AFF2: variants seen among roughly 807,000 people sequenced by gnomAD.
The protein encoded by AFF2 is ALF transcription elongation factor 2, also known as AF4/FMR2 family member 2.
In AFF2, 14 loss-of-function variants were observed where a neutral mutation model predicts 76.9. That is an observed-to-expected ratio of 0.18 (90% CI 0.12 to 0.28). The LOEUF is 0.28. Among genes scored for constraint, AFF2 ranks in the 10% least tolerant of loss-of-function variants. The pLI is 1.00. For missense variants in AFF2, 868 were observed against 1,001.1 expected, an observed-to-expected ratio of 0.87 and a Z score of 1.79; for synonymous variants, 398 against 366.7, an observed-to-expected ratio of 1.09 and a Z score of -0.98.
chrX:148,716,982 A>G (rs1016750177), intron 3 of AFF2, among the ~76,000 whole-genome samples: 2 of 112,346 alleles, frequency 1.8e-5, no homozygotes, highest in African/African-American at 6.5e-5. Context: ...GCTAGAGGAA[A>G]AAAAGGAAAA....
intron 4 of AFF2, among the ~76,000 whole-genome samples, chrX:148,814,537 T>C (rs2070241917): frequency 8.9e-6 from 1 of 111,912 alleles, no homozygotes. Context: ...TCAGTGTTTA[T>C]GAGGGATGCT....
At chrX:148,700,370 A>G (rs2054772461) in intron 3 of AFF2, among the ~76,000 whole-genome samples, 1 of 108,681 alleles carries the variant, frequency 9.2e-6, no homozygotes, top group Non-Finnish European at 1.9e-5. Flanking sequence ...GAGTTACCCA[A>G]GGGAGTATTT....
intron 3 of AFF2, among the ~76,000 whole-genome samples, chrX:148,724,805 G>A (rs1009330417): frequency 7.1e-5 from 8 of 112,448 alleles, no homozygotes; most frequent in African/African-American, 9.7e-5. Context: ...AGGAGCTAAC[G>A]CTAAGCGCTT....
intron 19 of AFF2, among the ~76,000 whole-genome samples, chrX:148,983,953 C>CAAAAAACAAAAAAAAAAAAA (rs2072427823): frequency 3.4e-5 from 1 of 29,124 alleles, no homozygotes; most frequent in African/African-American, 1.2e-4. Context: ...GTGAAATAGA[C>CAAAAAACAAAAAAAAAAAAA]AAAAAAAAAA....
At chrX:148,601,852 G>A (rs934351509) in intron 1 of AFF2, among the ~76,000 whole-genome samples, 1 of 111,736 alleles carries the variant, frequency 8.9e-6, no homozygotes, top group Non-Finnish European at 1.9e-5. Context: ...TTCAATAATG[G>A]TTTTATTGTG....
At chrX:148,884,093 T>A (rs1451291528) in intron 7 of AFF2, among the ~76,000 whole-genome samples, 1 of 112,014 alleles carries the variant, frequency 8.9e-6, no homozygotes, top group Non-Finnish European at 1.9e-5. Flanking sequence ...CAGTCTTCAT[T>A]TCCCACAATG....
chrX:148,640,440 A>G (rs2054076598), intron 1 of AFF2, among the ~76,000 whole-genome samples: 1 of 110,122 alleles, frequency 9.1e-6, no homozygotes, highest in African/African-American at 3.3e-5. Flanking sequence ...GCATATTTTC[A>G]GTGGCACCAT....
At chrX:148,681,085 C>G (rs1474883643) in intron 3 of AFF2, among the ~76,000 whole-genome samples, 1 of 111,688 alleles carries the variant, frequency 9.0e-6, no homozygotes, top group Non-Finnish European at 1.9e-5. Flanking sequence ...GGGATAGAGC[C>G]ATATTTAAAT....
At chrX:148,973,718 T>C in intron 16 of AFF2, 111 bp downstream of exon 16, 2 of 800,118 alleles carry the variant, frequency 2.5e-6, no homozygotes, top group Non-Finnish European at 1.7e-6. Context: ...CAAGCCATCC[T>C]CTTAGAAGTC....
chrX:148,823,425 A>C (rs782721041), intron 4 of AFF2, among the ~76,000 whole-genome samples: 7 of 111,826 alleles, frequency 6.3e-5, no homozygotes, highest in Middle Eastern at 4.6e-3. Flanking sequence ...TTGAATTTAA[A>C]TTAATTAAAT....
Position 148,843,420 on chromosome X carries a change from G to A in AFF2, c.1249G>A (p.Val417Met), listed in dbSNP as rs782416649. The part of the protein sequence containing the change: ...DPTTRASTKS[V>M]SFKSMLEDDL... ...AACCACCAGAGCTTCTACAAAGTCA[G>A]TGTCTTTCAAATCGTGAGTAGTTGG... The change falls in exon 7 of 21, where the codon GTG becomes ATG. Residue 417 changes from valine (V) to methionine (M), a missense_variant. By Grantham distance (21) the Val-to-Met change is conservative. Coordinates refer to ENST00000370460, the MANE Select transcript of AFF2 (RefSeq NM_002025.4). 19 of 1,207,385 alleles carry A rather than the reference G, an allele frequency of 1.6e-5. No homozygotes were observed. The highest frequency in any genetic ancestry group is 2.0e-5 in the Non-Finnish European group (18 of 893,947).
At chrX:148,718,912 G>A (rs533270029) in intron 3 of AFF2, among the ~76,000 whole-genome samples, 3 of 111,532 alleles carry the variant, frequency 2.7e-5, no homozygotes, top group Admixed American at 9.5e-5. Context: ...AGTGTCCCAC[G>A]ATTTACCATG....
At chrX:148,765,634 T>G (rs1474906058) in intron 3 of AFF2, among the ~76,000 whole-genome samples, 1 of 111,398 alleles carries the variant, frequency 9.0e-6, no homozygotes, top group Non-Finnish European at 1.9e-5. Flanking sequence ...AAGGATTAGA[T>G]TAAAACCTTG....
intron 1 of AFF2, among the ~76,000 whole-genome samples, chrX:148,575,983 C>A (rs1282607010): frequency 1.8e-5 from 2 of 110,457 alleles, no homozygotes; most frequent in Non-Finnish European, 3.8e-5. Flanking sequence ...GCTGATCATG[C>A]CCGTTGTTGC....
intron 3 of AFF2, among the ~76,000 whole-genome samples, chrX:148,668,320 G>A (rs184365840): frequency 1.8e-3 from 200 of 112,748 alleles, no homozygotes; most frequent in Non-Finnish European, 3.2e-3. Flanking sequence ...GGTGCATGGT[G>A]CAAGCTGTTG....
chrX:148,961,529 C>T (rs781881059), intron 12 of AFF2, among the ~76,000 whole-genome samples: 1 of 111,903 alleles, frequency 8.9e-6, no homozygotes, highest in Non-Finnish European at 1.9e-5. Context: ...CAAAAAGTAA[C>T]ATAGGGCCAC....
chrX:148,991,122 G>A, intron 20 of AFF2, 89 bp from the exon 21 acceptor site: 1 of 908,579 alleles, frequency 1.1e-6, no homozygotes, highest in East Asian at 3.4e-5. Context: ...CCATGTGGTT[G>A]TGGTGTTGTG....
At chrX:148,561,649 G>A (rs1349752798) in intron 1 of AFF2, among the ~76,000 whole-genome samples, 1 of 111,130 alleles carries the variant, frequency 9.0e-6, no homozygotes, top group Non-Finnish European at 1.9e-5. Flanking sequence ...CTCCTACTGA[G>A]CCAGGATCTC....
At chrX:148,585,721 T>C (rs2053460975) in intron 1 of AFF2, among the ~76,000 whole-genome samples, 1 of 108,782 alleles carries the variant, frequency 9.2e-6, no homozygotes, top group African/African-American at 3.3e-5. Flanking sequence ...GGCGCCTGTA[T>C]TCCCAGCTGC....
Sources: allele counts gnomAD v4.1 joint callset (sites outside exome capture counted in the v4.1 genomes callset), GRCh38; gene constraint gnomAD v4.1.1; transcripts MANE v1.5; gene names NCBI Gene and HGNC (gene_info 2026-07-23, HGNC 2026-07-21).